The following DTWD1 variants were observed in gnomAD, a reference collection of about 807,000 sequenced individuals.
DTWD1 encodes tRNA-uridine aminocarboxypropyltransferase 1.
A neutral mutation model predicts 30.2 loss-of-function variants in DTWD1; 27 were observed. The ratio of observed to expected loss-of-function variants is 0.90; its 90% CI spans 0.66 to 1.23. The LOEUF (loss-of-function observed/expected upper bound fraction) is 1.23. Ranked by LOEUF, DTWD1 falls within the 50% of genes most tolerant of loss-of-function variation. DTWD1 has a pLI of 0.00. For missense variants in DTWD1, 342 were observed against 348.8 expected (o/e 0.98, Z 0.15); for synonymous variants, 99 against 113.1 (o/e 0.88, Z 0.79).
rs1222371112 is a variant in DTWD1, at chr15:49,646,540, T to C, written c.*2962T>C. ...TAAAAACCCCATGCCACAATGACTG[T>C]TAAAAGGGCTAGGCGATGTAGTCTG... is the stretch of plus-strand genomic sequence containing the variant. On this transcript the variant is annotated 3_prime_UTR_variant, in exon 5 of 5. Coordinates refer to ENST00000403028, the MANE Select transcript of DTWD1 (RefSeq NM_001144955.2). 2 of 152,104 alleles carry C rather than the reference T, an allele frequency of 1.3e-5. No individual in the cohort carries two copies. The highest frequency in any genetic ancestry group is 4.8e-5 in the African/African-American group (2 of 41,410). The allele number at this position is 152,104 out of a possible 1,614,324, so 9.4% of individuals were successfully genotyped here. A position where few individuals can be genotyped will look rare whatever the true frequency, so the allele number is the denominator to read the frequency against.
chr15:49,629,863 C>G (rs1056999864), intron 2 of DTWD1: 1 of 152,158 alleles, frequency 6.6e-6, no homozygotes, highest in Non-Finnish European at 1.5e-5. Context: ...CATTTGAAAC[C>G]CTAATTGAAA....
intron 1 of DTWD1, among the ~76,000 whole-genome samples, chr15:49,624,757 A>G (rs938356991): frequency 6.6e-6 from 1 of 152,132 alleles, no homozygotes; most frequent in African/African-American, 2.4e-5. Flanking sequence ...AGAATCTTCT[A>G]TTTTTCATTA....
At chr15:49,626,815 A>G (rs1163428656) in intron 2 of DTWD1, 1 of 429,192 alleles carries the variant, frequency 2.3e-6, no homozygotes, top group Non-Finnish European at 4.8e-6. Flanking sequence ...GCTAATGGAA[A>G]GTTTACTAGC....
At chr15:49,632,967 T>C (rs561001940) in intron 3 of DTWD1, among the ~76,000 whole-genome samples, 1 of 151,180 alleles carries the variant, frequency 6.6e-6, no homozygotes, top group East Asian at 1.9e-4. Flanking sequence ...GTGGCTAGTA[T>C]AGAAACAAAA....
chr15:49,633,043 C>CTATATATATCTATATATATA (rs368196512), intron 3 of DTWD1, among the ~76,000 whole-genome samples: 1 of 129,528 alleles, frequency 7.7e-6, no homozygotes, highest in Non-Finnish European at 1.6e-5. Context: ...CTATTTATAT[C>CTATATATATCTATATATATA]TATATCTATA....
At chr15:49,621,524 A>G (rs2078709520) in intron 1 of DTWD1, among the ~76,000 whole-genome samples, 1 of 152,148 alleles carries the variant, frequency 6.6e-6, no homozygotes, top group Non-Finnish European at 1.5e-5. Flanking sequence ...GTACAGACGT[A>G]GAATTAGTGA....
At chr15:49,637,093 T>A (rs964948249) in intron 4 of DTWD1, among the ~76,000 whole-genome samples, 1 of 152,184 alleles carries the variant, frequency 6.6e-6, no homozygotes. Context: ...CCTACATTAG[T>A]TAGCCAGTAT....
rs1027553635 is a variant in DTWD1, at chr15:49,654,135, A to G, written c.*10557A>G. The G allele has an allele frequency of 6.6e-6, 1 of 152,114 alleles. No homozygotes were observed. Among genetic ancestry groups the G allele is most frequent in the African/African-American group, 2.4e-5 (1 of 41,446 alleles). 9.4% of individuals were successfully genotyped at this position (152,114 alleles called of 1,614,324 possible). ...CCTTAACTGGGACAAGCTACTCTCA[A>G]GCATCTTCACTTGAGAAACAGTAAC... On this transcript the variant is annotated 3_prime_UTR_variant, in exon 5 of 5. Coordinates refer to ENST00000403028, the MANE Select transcript of DTWD1 (RefSeq NM_001144955.2).
chr15:49,629,052 G>T (rs1231486787), intron 2 of DTWD1, among the ~76,000 whole-genome samples: 1 of 151,900 alleles, frequency 6.6e-6, no homozygotes, highest in South Asian at 2.1e-4. Flanking sequence ...TGTTCTCCTT[G>T]TTCAACTCCC....
rs1598680307 is a variant in DTWD1, at chr15:49,653,865, C to T, written c.*10287C>T. The T allele has an allele frequency of 6.6e-6, 1 of 151,984 alleles. No homozygotes were observed. The highest frequency in any genetic ancestry group is 1.5e-5 in the Non-Finnish European group (1 of 68,000). 9.4% of individuals were successfully genotyped at this position (151,984 alleles called of 1,614,324 possible). On this transcript the variant is annotated 3_prime_UTR_variant, in exon 5 of 5. Coordinates refer to ENST00000403028, the MANE Select transcript of DTWD1 (RefSeq NM_001144955.2). ...GGAAATTTTTCAACCTAGTACTTGT[C>T]ATTTTTTTATAGAAAAGGAAAAATA...
rs190344028 is a variant in DTWD1 at position 49,641,995 on chromosome 15, T to C, written c.668-1336T>C. 4.4e-3 allele frequency among the ~76,000 whole-genome samples: 676 copies of C among 152,266 alleles called. 10 individuals carry two copies. The highest frequency in any genetic ancestry group is 0.016 in the African/African-American group (645 of 41,560). On this transcript the variant is annotated intron_variant, in intron 4 of 4. Transcript: ENST00000403028. ...TAGTTTAAAATAATTTCTGGAAAAG[T>C]CATAGTCATTATCTCTTTAACCGCT...
chr15:49,628,094 C>G (rs1477702803), intron 2 of DTWD1, among the ~76,000 whole-genome samples: 1 of 151,890 alleles, frequency 6.6e-6, no homozygotes, highest in Admixed American at 6.6e-5. Context: ...ACTTTTTAAA[C>G]TTTTTTTGTT....
chr15:49,624,339 G>T (rs891621898), intron 1 of DTWD1, among the ~76,000 whole-genome samples: 5 of 152,138 alleles, frequency 3.3e-5, no homozygotes, highest in Non-Finnish European at 4.4e-5. Flanking sequence ...CACCAGTGTT[G>T]TTTCTCCCTT....
rs1270172312 is a variant in DTWD1 at position 49,643,920 on chromosome 15, A to G, written c.*342A>G. 6.2e-6 allele frequency: 1 copy of G among 162,066 alleles called. No homozygotes were observed. Among genetic ancestry groups the G allele is most frequent in the African/African-American group, 2.4e-5 (1 of 41,596 alleles). 10.0% of individuals were successfully genotyped at this position (162,066 alleles called of 1,614,324 possible). Reference sequence around the variant, plus strand: ...TATTTCAACATCTTTATATCTTTTCACCTGTACTCATGACCACCTTTAGAA... The same window carrying G: ...TATTTCAACATCTTTATATCTTTTCGCCTGTACTCATGACCACCTTTAGAA... On this transcript the variant is annotated 3_prime_UTR_variant, in exon 5 of 5. Coordinates refer to ENST00000403028, the MANE Select transcript of DTWD1 (RefSeq NM_001144955.2).
intron 1 of DTWD1, chr15:49,623,588 C>T (rs1375085662): frequency 6.6e-6 from 1 of 152,180 alleles, no homozygotes; most frequent in African/African-American, 2.4e-5. Flanking sequence ...ACTTCCTTAC[C>T]TGGGTCGTAG....
rs546436393 is a variant in DTWD1 at position 49,637,558 on chromosome 15, A to G, written c.667+2764A>G. Among the ~76,000 whole-genome samples the G allele has an allele frequency of 1.2e-4, 18 of 152,322 alleles. No individual in the cohort carries two copies. In the South Asian group the frequency reaches 3.7e-3, roughly 32 times the overall value. On this transcript the variant is annotated intron_variant, in intron 4 of 4. Transcript: ENST00000403028. Reference sequence around the variant, plus strand: ...TCATGAGTTCACACAGATAGTTCCAATTCATATTTAACATTATAAGGATTT... The same window carrying G: ...TCATGAGTTCACACAGATAGTTCCAGTTCATATTTAACATTATAAGGATTT...
intron 1 of DTWD1, among the ~76,000 whole-genome samples, chr15:49,624,823 C>T (rs1365441732): frequency 6.6e-6 from 1 of 152,144 alleles, no homozygotes; most frequent in African/African-American, 2.4e-5. Context: ...CTGATGCTAA[C>T]GTGAAACCAT....
rs771404823 is a variant in DTWD1, at chr15:49,634,700, C to T, written c.573C>T (p.Asp191=). 6.8e-6 allele frequency: 11 copies of T among 1,613,440 alleles called. No individual in the cohort carries two copies. The South Asian group carries it at 1.2e-4, about 18-fold the overall frequency. Residue 191 remains aspartate, a synonymous_variant, in exon 4 of 5, where the codon GAC becomes GAT. Transcript: ENST00000403028. The stretch of plus-strand genomic sequence containing the variant: ...AACAAGAGTTCTGTGATTTGAATGA[C>T]AGCAAGTGCAAAGGCACAACACTGA... The part of the protein sequence containing the change: ...TEEQEFCDLN[D]SKCKGTTLKK...
rs370208243 is a variant in DTWD1, at chr15:49,625,290, A to G, written c.123A>G (p.Leu41=). Residue 41 remains leucine (L), a synonymous_variant, in exon 2 of 5, where the codon TTA becomes TTG. Coordinates refer to ENST00000403028, the MANE Select transcript of DTWD1 (RefSeq NM_001144955.2). The part of the protein sequence containing the change: ...ASEDPLQNLC[L]ASQEVLQKAQ... ...AAGATCCCCTTCAAAACTTATGTTTAGCATCTCAAGAAGTTCTTCAAAAAG... is the reference window on the plus strand; with the variant it reads ...AAGATCCCCTTCAAAACTTATGTTTGGCATCTCAAGAAGTTCTTCAAAAAG... The G allele has an allele frequency of 3.5e-5, 57 of 1,613,558 alleles. No homozygotes were observed. Among genetic ancestry groups the G allele is most frequent in the Non-Finnish European group, 4.6e-5 (54 of 1,179,776 alleles).
Sources: allele counts gnomAD v4.1 joint callset (sites outside exome capture counted in the v4.1 genomes callset), GRCh38; gene constraint gnomAD v4.1.1; transcripts MANE v1.5; gene names NCBI Gene and HGNC (gene_info 2026-07-23, HGNC 2026-07-21).